MREG: variants seen among roughly 807,000 people sequenced by gnomAD.
The protein encoded by MREG is dilute suppressor protein homolog.
MREG carries 31 observed loss-of-function variants against 28.5 expected under a neutral mutation model. That is an observed-to-expected ratio of 1.09 (90% CI 0.82 to 1.47). The LOEUF (loss-of-function observed/expected upper bound fraction) is 1.47, where lower values mean the gene tolerates loss of function less well. MREG is among the 40% of genes most tolerant of loss of function. The pLI, the probability that MREG is intolerant of heterozygous loss-of-function variation, is 0.00. For missense variants in MREG, 256 were observed against 257.4 expected (o/e 0.99, Z 0.04); for synonymous variants, 106 against 95.2 (o/e 1.11, Z -0.66).
chr2:215,999,499 A>G (rs114891726), intron 1 of MREG, among the ~76,000 whole-genome samples: 1,669 of 152,322 alleles, frequency 0.011, 13 homozygotes, highest in Middle Eastern at 0.034. Context: ...AAGCCCATGA[A>G]CCAACCACAA....
intron 2 of MREG, among the ~76,000 whole-genome samples, chr2:215,985,696 C>T (rs1264272575): frequency 6.6e-6 from 1 of 152,108 alleles, no homozygotes; most frequent in Non-Finnish European, 1.5e-5. Context: ...AAGGAGAATG[C>T]AGATTGTACA....
chr2:216,010,805 T>A (rs2106033817), intron 1 of MREG, among the ~76,000 whole-genome samples: 1 of 151,718 alleles, frequency 6.6e-6, no homozygotes, highest in Middle Eastern at 3.4e-3. Context: ...AGACAAATGA[T>A]CAATGATCGG....
intron 1 of MREG, among the ~76,000 whole-genome samples, chr2:216,004,517 C>T (rs1694100305): frequency 6.7e-6 from 1 of 150,070 alleles, no homozygotes; most frequent in Middle Eastern, 3.4e-3. Flanking sequence ...GCACTCCAGC[C>T]TAAACGACAG....
intron 1 of MREG, among the ~76,000 whole-genome samples, chr2:216,020,915 A>G (rs1694510618): frequency 6.6e-6 from 1 of 152,234 alleles, no homozygotes; most frequent in Non-Finnish European, 1.5e-5. Flanking sequence ...CCTCACCAAC[A>G]TCTACCCCCA....
Position 216,025,758 on chromosome 2 carries a change from C to T in MREG, c.-68+7031G>A, listed in dbSNP as rs554048024. Reference sequence around the variant, plus strand: ...AACACTTCCAGCAGCTCCTTCCTTCCGGAGGGAGGATCTAGAGCCCGTGAA... The same window carrying T: ...AACACTTCCAGCAGCTCCTTCCTTCTGGAGGGAGGATCTAGAGCCCGTGAA... On this transcript the variant is annotated intron_variant, in intron 1 of 3. Transcript: ENST00000420348. Among the ~76,000 whole-genome samples, 7 of 152,328 alleles carry T rather than the reference C, an allele frequency of 4.6e-5. No homozygotes were observed. The South Asian group carries it at 1.2e-3, about 27-fold the overall frequency.
rs914838915 is a variant in MREG at position 215,980,929 on chromosome 2, G to A, written c.255+15377C>T. 6.6e-5 allele frequency among the ~76,000 whole-genome samples: 10 copies of A among 151,992 alleles called. 1 individual carries two copies. The highest frequency in any genetic ancestry group is 3.4e-3 in the Middle Eastern group (1 of 294). On this transcript the variant is annotated intron_variant, in intron 2 of 4. Coordinates refer to ENST00000263268, the MANE Select transcript of MREG (RefSeq NM_018000.3). ...GAAGGGCAGGGAAGGGAAGGGAAGG[G>A]AAGGGAACGGAAGAGAAGGGAAATA...
intron 2 of MREG, among the ~76,000 whole-genome samples, chr2:215,947,886 A>G (rs1364561734): frequency 6.6e-6 from 1 of 152,216 alleles, no homozygotes; most frequent in East Asian, 1.9e-4. Context: ...ATCTTTTAGG[A>G]GCATTGGGGT....
chr2:215,942,490 C>G (rs907965614), downstream of MREG, among the ~76,000 whole-genome samples: 1 of 152,156 alleles, frequency 6.6e-6, no homozygotes. Context: ...TCCTTAAACC[C>G]ATGAGTGTTT....
Position 215,979,491 on chromosome 2 carries a change from T to A in MREG, c.255+16815A>T, listed in dbSNP as rs1326290411. 7.5e-4 allele frequency among the ~76,000 whole-genome samples: 110 copies of A among 146,466 alleles called. 1 individual carries two copies. Among genetic ancestry groups the A allele is most frequent in the African/African-American group, 2.6e-3 (104 of 39,604 alleles). Reference sequence around the variant, plus strand: ...AAAATAATAATAATAATAATAATAATAATAATAATAATAATAATAATAAAA... The same window carrying A: ...AAAATAATAATAATAATAATAATAAAAATAATAATAATAATAATAATAAAA... On this transcript the variant is annotated intron_variant, in intron 2 of 4. Transcript: ENST00000263268.
At position 215,942,946 on chromosome 2, in the gene MREG, T is replaced by C. The variant is rs191547463; in HGVS notation, c.*1917A>G. 2.4e-4 allele frequency: 36 copies of C among 152,942 alleles called. No individual in the cohort carries two copies. Among genetic ancestry groups the C allele is most frequent in the African/African-American group, 8.7e-4 (36 of 41,576 alleles). 9.5% of individuals were successfully genotyped at this position (152,942 alleles called of 1,614,324 possible). A position where few individuals can be genotyped will look rare whatever the true frequency, so the allele number is the denominator to read the frequency against. On this transcript the variant is annotated 3_prime_UTR_variant, in exon 5 of 5. Coordinates refer to ENST00000263268, the MANE Select transcript of MREG (RefSeq NM_018000.3). ...CACTAAATATAAAAAATAAAACTTT[T>C]AGCTTGCTTATTAAACTAGGAAGAA... is the stretch of plus-strand genomic sequence containing the variant.
At chr2:215,960,354 T>G (rs1205243909) in intron 2 of MREG, among the ~76,000 whole-genome samples, 1 of 152,240 alleles carries the variant, frequency 6.6e-6, no homozygotes, top group Non-Finnish European at 1.5e-5. Flanking sequence ...TCCTAACCAG[T>G]GCTTTGTACA....
At chr2:215,986,753 G>A (rs536923805) in intron 2 of MREG, among the ~76,000 whole-genome samples, 2 of 152,250 alleles carry the variant, frequency 1.3e-5, no homozygotes, top group East Asian at 3.9e-4. Flanking sequence ...ACATGACTTT[G>A]CTCCTCCTTT....
At chr2:215,957,946 G>A (rs1049161297) in intron 2 of MREG, among the ~76,000 whole-genome samples, 4 of 152,156 alleles carry the variant, frequency 2.6e-5, no homozygotes, top group Non-Finnish European at 5.9e-5. Context: ...ATGAGCTCAT[G>A]TCCTTTGTAG....
intron 2 of MREG, among the ~76,000 whole-genome samples, chr2:215,991,934 C>T (rs1343065402): frequency 1.3e-5 from 2 of 152,162 alleles, no homozygotes; most frequent in Non-Finnish European, 2.9e-5. Context: ...AGCCCAGGAC[C>T]AGACGGATTC....
intron 2 of MREG, among the ~76,000 whole-genome samples, chr2:215,964,968 G>A: frequency 6.6e-6 from 1 of 152,118 alleles, no homozygotes; most frequent in Non-Finnish European, 1.5e-5. Flanking sequence ...GATTACATGT[G>A]AGTGACTTTT....
Position 215,973,231 on chromosome 2 carries a change from G to A in MREG, c.255+23075C>T, listed in dbSNP as rs149084650. ...TACAAATACCTCTTTGGGTAGCTTCGTCCTACTCCAAAGCCCATTCCCTCC... is the reference window on the plus strand; with the variant it reads ...TACAAATACCTCTTTGGGTAGCTTCATCCTACTCCAAAGCCCATTCCCTCC... On this transcript the variant is annotated intron_variant, in intron 2 of 4. Coordinates refer to ENST00000263268, the MANE Select transcript of MREG (RefSeq NM_018000.3). Among the ~76,000 whole-genome samples, 41 of 152,230 alleles carry A rather than the reference G, an allele frequency of 2.7e-4. 1 individual carries two copies. In the East Asian group the frequency reaches 6.6e-3, roughly 24 times the overall value.
At chr2:215,974,198 G>A (rs1693179724) in intron 2 of MREG, among the ~76,000 whole-genome samples, 2 of 152,084 alleles carry the variant, frequency 1.3e-5, no homozygotes, top group Admixed American at 6.6e-5. Flanking sequence ...CTCCTGGGCT[G>A]TAAATAGCAT....
chr2:215,965,265 T>C (rs1406143800), intron 2 of MREG, among the ~76,000 whole-genome samples: 2 of 152,234 alleles, frequency 1.3e-5, no homozygotes, highest in African/African-American at 4.8e-5. Context: ...ATTTGCAGGT[T>C]CCTGTGCATG....
chr2:215,951,312 C>A (rs191270733), intron 2 of MREG, among the ~76,000 whole-genome samples: 1 of 152,184 alleles, frequency 6.6e-6, no homozygotes, highest in Non-Finnish European at 1.5e-5. Context: ...TACTCCCTGG[C>A]GTTAGAGCAA....
Sources: gnomAD v4.1 joint callset for allele counts (sites outside exome capture counted in the v4.1 genomes callset) on GRCh38, gnomAD v4.1.1 for gene constraint, MANE v1.5 for transcripts, NCBI Gene and HGNC (gene_info 2026-07-23, HGNC 2026-07-21) for gene names.